Variants in ZFP36L2 observed in about 807,000 individuals in gnomAD.
The protein encoded by ZFP36L2 is mRNA decay activator protein ZFP36L2.
A neutral mutation model predicts 27.9 loss-of-function variants in ZFP36L2; 16 were observed. That is an observed-to-expected ratio of 0.57 (90% CI 0.39 to 0.87). ZFP36L2 has a LOEUF of 0.87. ZFP36L2 is among the 40% of genes least tolerant of loss of function. ZFP36L2 has a pLI of 0.00. For synonymous variants in ZFP36L2, 600 were observed against 363.8 expected, an observed-to-expected ratio of 1.65 and a Z score of -7.39; for missense variants, 989 against 726.9, an observed-to-expected ratio of 1.36 and a Z score of -4.15.
At chr2:43,225,819 G>A (rs1484881168) in intron 1 of ZFP36L2, 67 bp from the exon 2 acceptor site, 8 of 1,456,814 alleles carry the variant, frequency 5.5e-6, no homozygotes, top group Non-Finnish European at 7.4e-6. Flanking sequence ...GGGGCGAGCC[G>A]CAGAGGAACT....
At chr2:43,225,824 G>C (rs1259570107) in intron 1 of ZFP36L2, 72 bp from the exon 2 acceptor site, 14 of 1,447,242 alleles carry the variant, frequency 9.7e-6, no homozygotes, top group South Asian at 1.3e-5. Flanking sequence ...GAGCCGCAGA[G>C]GAACTCCCAG....
rs1572681050 is a variant in ZFP36L2, at chr2:43,224,771, C to G, written c.1033G>C (p.Ala345Pro). The change falls in exon 2 of 2, where the codon GCG becomes CCG. Residue 345 changes from alanine to proline, a missense_variant. By Grantham distance (27) the Ala-to-Pro change is conservative. Transcript: ENST00000282388. ...CAGGCCGCGCACGGGGCCCCCGGCG[C>G]CAGCAGGTCCTCGGCGCCCCCGGTG... is the stretch of plus-strand genomic sequence containing the variant. The part of the protein sequence containing the change: ...YGTGGAEDLL[A>P]PGAPCAACSS... 1 of 1,478,854 alleles carries G rather than the reference C, an allele frequency of 6.8e-7. No homozygotes were observed. The highest frequency in any genetic ancestry group is 8.9e-7 in the Non-Finnish European group (1 of 1,121,724). 91.6% of individuals were successfully genotyped at this position (1,478,854 alleles called of 1,614,324 possible).
In ZFP36L2 at chr2:43,223,345, TTAA is replaced by T. The variant is rs1307562147; in HGVS notation, c.*971_*973del. 1.4e-4 allele frequency: 22 copies of T among 152,276 alleles called. No individual in the cohort carries two copies. The highest frequency in any genetic ancestry group is 2.8e-4 in the Non-Finnish European group (19 of 68,030). 9.4% of individuals were successfully genotyped at this position (152,276 alleles called of 1,614,324 possible). On this transcript the variant is annotated 3_prime_UTR_variant, in exon 2 of 2. Transcript: ENST00000282388. Reference sequence around the variant, plus strand: ...GAACATACACTCCACATTTTGCCGATTAATAATGGCAATCATAATTTAACATAA... The same window carrying T: ...GAACATACACTCCACATTTTGCCGATTAATGGCAATCATAATTTAACATAA...
rs140007857 is a variant in ZFP36L2 at position 43,225,336 on chromosome 2, G to C, written c.468C>G (p.Thr156=). ...GSQINSTRYK[T]ELCRPFEESG... is the part of the protein sequence containing the mutation. ...TCTCCTCGAAGGGCCGGCACAGCTCGGTCTTGTAGCGCGTGGAGTTGATCT... is the reference window on the plus strand; with the variant it reads ...TCTCCTCGAAGGGCCGGCACAGCTCCGTCTTGTAGCGCGTGGAGTTGATCT... The change falls in exon 2 of 2, where the codon ACC becomes ACG. Residue 156 remains threonine, a synonymous_variant. Coordinates refer to ENST00000282388, the MANE Select transcript of ZFP36L2 (RefSeq NM_006887.5). 2 of 1,613,360 alleles carry C rather than the reference G, an allele frequency of 1.2e-6. No individual in the cohort carries two copies. The highest frequency in any genetic ancestry group is 2.2e-5 in the East Asian group (1 of 44,886).
rs2103974178 is a variant in ZFP36L2 at position 43,224,262 on chromosome 2, G to A, written c.*57C>T. On this transcript the variant is annotated 3_prime_UTR_variant, in exon 2 of 2. Transcript: ENST00000282388. ...CCCAGCAAGGGCGAGATGGCGAGGGGTGTCCTCCAACATCTCTGAACCGCC... is the reference window on the plus strand; with the variant it reads ...CCCAGCAAGGGCGAGATGGCGAGGGATGTCCTCCAACATCTCTGAACCGCC... 3 of 1,456,744 alleles carry A rather than the reference G, an allele frequency of 2.1e-6. No individual in the cohort carries two copies. Among genetic ancestry groups the A allele is most frequent in the Non-Finnish European group, 1.8e-6 (2 of 1,103,072 alleles). 90.2% of individuals were successfully genotyped at this position (1,456,744 alleles called of 1,614,324 possible).
At position 43,223,404 on chromosome 2, in the gene ZFP36L2, A is replaced by G. The variant is rs935601923; in HGVS notation, c.*915T>C. ...GAATATATATCTATTGCTTTTCATCATACTTGATAAATACAGTATGAACAA... is the reference window on the plus strand; with the variant it reads ...GAATATATATCTATTGCTTTTCATCGTACTTGATAAATACAGTATGAACAA... On this transcript the variant is annotated 3_prime_UTR_variant, in exon 2 of 2. Transcript: ENST00000282388. 6.6e-6 allele frequency: 1 copy of G among 152,268 alleles called. No homozygotes were observed. Among genetic ancestry groups the G allele is most frequent in the African/African-American group, 2.4e-5 (1 of 41,446 alleles). The allele number at this position is 152,268 out of a possible 1,614,324, so 9.4% of individuals were successfully genotyped here. A position where few individuals can be genotyped will look rare whatever the true frequency, so the allele number is the denominator to read the frequency against.
In ZFP36L2 at chr2:43,224,121, A is replaced by T; in HGVS notation, c.*198T>A. ...TAATAAAAATAAAAAAAAAAAGACAAGAGGAAACCGAAAAAGGAGGGGTGG... is the reference window on the plus strand; with the variant it reads ...TAATAAAAATAAAAAAAAAAAGACATGAGGAAACCGAAAAAGGAGGGGTGG... On this transcript the variant is annotated 3_prime_UTR_variant, in exon 2 of 2. Transcript: ENST00000282388. 4.7e-6 allele frequency: 2 copies of T among 423,596 alleles called. No homozygotes were observed. The highest frequency in any genetic ancestry group is 4.0e-6 in the Non-Finnish European group (1 of 248,790). The allele number at this position is 423,596 out of a possible 1,614,324, so 26.2% of individuals were successfully genotyped here.
chr2:43,226,170 G>T, intron 1 of ZFP36L2, 95 bp downstream of exon 1: 1 of 1,491,114 alleles, frequency 6.7e-7, no homozygotes, highest in Non-Finnish European at 9.1e-7. Flanking sequence ...GACCTGAAAG[G>T]CAGGGCGGGA....
At position 43,225,681 on chromosome 2, in the gene ZFP36L2, G is replaced by A. The variant is rs138412003; in HGVS notation, c.123C>T (p.Ala41=). 3.8e-6 allele frequency: 6 copies of A among 1,593,768 alleles called. No homozygotes were observed. In the African/African-American group the frequency reaches 5.4e-5, roughly 14 times the overall value. The change falls in exon 2 of 2, where the codon GCC becomes GCT. Residue 41 remains alanine (A), a synonymous_variant. Coordinates refer to ENST00000282388, the MANE Select transcript of ZFP36L2 (RefSeq NM_006887.5). The stretch of plus-strand genomic sequence containing the variant: ...GCGCGAAGCCCGAGCTGGGGGCGGC[G>A]GCCACAGGCGTCCCCACCGCCTTCT... ...LDKKAVGTPV[A]AAPSSGFAPG...
chr2:43,225,416 G>T lies in ZFP36L2; in HGVS notation c.388C>A (p.Arg130Ser). The T allele has an allele frequency of 6.2e-7, 1 of 1,613,278 alleles. No individual in the cohort carries two copies. The highest frequency in any genetic ancestry group is 8.5e-7 in the Non-Finnish European group (1 of 1,179,838). Residue 130 changes from arginine to serine, a missense_variant, in exon 2 of 2, where the codon CGC (arginine) becomes AGC (serine). Transcript: ENST00000282388. ...RDRSFSENGD[R>S]SQHLLHLQQQ... Reference sequence around the variant, plus strand: ...TGCAGGTGCAGGAGGTGCTGGCTGCGATCGCCGTTCTCGCTAAACGAGCGG... The same window carrying T: ...TGCAGGTGCAGGAGGTGCTGGCTGCTATCGCCGTTCTCGCTAAACGAGCGG...
rs1667065943 is a variant in ZFP36L2 at position 43,225,342 on chromosome 2, G to A, written c.462C>T (p.Tyr154=). 2 of 1,613,470 alleles carry A rather than the reference G, an allele frequency of 1.2e-6. No individual in the cohort carries two copies. The highest frequency in any genetic ancestry group is 1.7e-6 in the Non-Finnish European group (2 of 1,179,988). Residue 154 remains tyrosine, a synonymous_variant, in exon 2 of 2, where the codon TAC becomes TAT. Transcript: ENST00000282388. ...GGGSQINSTR[Y]KTELCRPFEE... ...CGAAGGGCCGGCACAGCTCGGTCTTGTAGCGCGTGGAGTTGATCTGGGAGC... is the reference window on the plus strand; with the variant it reads ...CGAAGGGCCGGCACAGCTCGGTCTTATAGCGCGTGGAGTTGATCTGGGAGC...
chr2:43,224,837 C>T lies in ZFP36L2; in HGVS notation c.967G>A (p.Ala323Thr), dbSNP rs763592426. The T allele has an allele frequency of 8.3e-4, 1,197 of 1,443,416 alleles. 1 individual carries two copies. The highest frequency in any genetic ancestry group is 1.0e-3 in the Non-Finnish European group (1,140 of 1,111,598). The allele number at this position is 1,443,416 out of a possible 1,614,324, so 89.4% of individuals were successfully genotyped here. The change falls in exon 2 of 2, where the codon GCC becomes ACC. Residue 323 changes from alanine to threonine, a missense_variant. By Grantham distance (58) the Ala-to-Thr change is moderately conservative (BLOSUM62 0). Coordinates refer to ENST00000282388, the MANE Select transcript of ZFP36L2 (RefSeq NM_006887.5). ...GCCGCAGCCGCGGCCGCCGCGGAGG[C>T]GCAGCATGTCGGGGCGCCCGAGGGC... is the stretch of plus-strand genomic sequence containing the variant. Reference protein sequence around the residue: ...STPSGAPTCCASAAAAAAAAL... With the variant: ...STPSGAPTCCTSAAAAAAAAL...
rs745733827 is a variant in ZFP36L2, at chr2:43,224,751, C to G, written c.1053G>C (p.Ala351=). The change falls in exon 2 of 2, where the codon GCG becomes GCC. Residue 351 remains alanine, a synonymous_variant. Coordinates refer to ENST00000282388, the MANE Select transcript of ZFP36L2 (RefSeq NM_006887.5). Reference sequence around the variant, plus strand: ...TGGCGCACGAGGCCGACGAGCAGGCCGCGCACGGGGCCCCCGGCGCCAGCA... The same window carrying G: ...TGGCGCACGAGGCCGACGAGCAGGCGGCGCACGGGGCCCCCGGCGCCAGCA... ...EDLLAPGAPC[A]ACSSASCANN... is the part of the protein sequence containing the mutation. 27 of 1,507,136 alleles carry G rather than the reference C, an allele frequency of 1.8e-5. No individual in the cohort carries two copies. In the Middle Eastern group the frequency reaches 5.8e-4, roughly 32 times the overall value. 93.4% of individuals were successfully genotyped at this position (1,507,136 alleles called of 1,614,324 possible).
In ZFP36L2 at chr2:43,223,482, T is replaced by C. The variant is rs1667011424; in HGVS notation, c.*837A>G. On this transcript the variant is annotated 3_prime_UTR_variant, in exon 2 of 2. Transcript: ENST00000282388. Reference sequence around the variant, plus strand: ...TAATAAATAAGTTAAATAGTTTTCATATTGAGTTGTGGTGCAGTGGTGCGA... The same window carrying C: ...TAATAAATAAGTTAAATAGTTTTCACATTGAGTTGTGGTGCAGTGGTGCGA... 6.6e-6 allele frequency: 1 copy of C among 152,508 alleles called. No individual in the cohort carries two copies. The highest frequency in any genetic ancestry group is 2.4e-5 in the African/African-American group (1 of 41,466). The allele number at this position is 152,508 out of a possible 1,614,324, so 9.4% of individuals were successfully genotyped here. A position where few individuals can be genotyped will look rare whatever the true frequency, so the allele number is the denominator to read the frequency against.
rs563095544 is a variant in ZFP36L2, at chr2:43,223,004, T to A, written c.*1315A>T. 6.6e-6 allele frequency: 1 copy of A among 152,390 alleles called. No homozygotes were observed. The highest frequency in any genetic ancestry group is 1.9e-4 in the East Asian group (1 of 5,328). 9.4% of individuals were successfully genotyped at this position (152,390 alleles called of 1,614,324 possible). A position where few individuals can be genotyped will look rare whatever the true frequency, so the allele number is the denominator to read the frequency against. On this transcript the variant is annotated 3_prime_UTR_variant, in exon 2 of 2. Coordinates refer to ENST00000282388, the MANE Select transcript of ZFP36L2 (RefSeq NM_006887.5). ...GAATAAGCAAACACTTTTTTGCTAGTTTATAAAGTTGGAATTAGAAAAGCA... is the reference window on the plus strand; with the variant it reads ...GAATAAGCAAACACTTTTTTGCTAGATTATAAAGTTGGAATTAGAAAAGCA...
In ZFP36L2 at chr2:43,222,426, T is replaced by C. The variant is rs1666988625; in HGVS notation, c.*1893A>G. The C allele has an allele frequency of 1.3e-5, 2 of 152,404 alleles. No homozygotes were observed. Among genetic ancestry groups the C allele is most frequent in the Admixed American group, 6.5e-5 (1 of 15,292 alleles). 9.4% of individuals were successfully genotyped at this position (152,404 alleles called of 1,614,324 possible). On this transcript the variant is annotated 3_prime_UTR_variant, in exon 2 of 2. Transcript: ENST00000282388. The stretch of plus-strand genomic sequence containing the variant: ...ATACCTTTTTTTCCCAAAAATTTTA[T>C]TGGGGGAAAACTACAAAACATTTAC...
rs1197304799 is a variant in ZFP36L2, at chr2:43,225,744, T to C, written c.60A>G (p.Lys20=). The C allele has an allele frequency of 1.3e-6, 2 of 1,590,968 alleles. No individual in the cohort carries two copies. The highest frequency in any genetic ancestry group is 1.7e-6 in the Non-Finnish European group (2 of 1,176,816). The part of the protein sequence containing the change: ...YDVDFLCKTE[K]SLANLNLNNM... ...TGTTCAGGTTGAGGTTGGCCAGGGA[T>C]TTCTCTGTCTGCCAAAGGGAGGGGA... is the stretch of plus-strand genomic sequence containing the variant. The change falls in exon 2 of 2, where the codon AAA becomes AAG. Residue 20 remains lysine, a synonymous_variant. Transcript: ENST00000282388.
rs556814964 is a variant in ZFP36L2, at chr2:43,224,055, G to A, written c.*264C>T. ...CCTGTTGTGAATATTTTGTTCAACA[G>A]AAAAAGTTCGACTTTTTTGCTCAAA... On this transcript the variant is annotated 3_prime_UTR_variant, in exon 2 of 2. Transcript: ENST00000282388. 5.7e-6 allele frequency: 2 copies of A among 352,280 alleles called. No homozygotes were observed. The highest frequency in any genetic ancestry group is 4.5e-5 in the African/African-American group (2 of 44,298). 21.8% of individuals were successfully genotyped at this position (352,280 alleles called of 1,614,324 possible).
At position 43,225,130 on chromosome 2, in the gene ZFP36L2, G is replaced by A; in HGVS notation, c.674C>T (p.Pro225Leu). The change falls in exon 2 of 2, where the codon CCG becomes CTG. Residue 225 changes from proline (P) to leucine (L), a missense_variant. Coordinates refer to ENST00000282388, the MANE Select transcript of ZFP36L2 (RefSeq NM_006887.5). ...IHNADERRPA[P>L]SGGASGDLRA... ...CAGGTCCCCGGAGGCGCCCCCCGAC[G>A]GCGCGGGCCGCCGCTCGTCCGCGTT... 1 of 1,594,388 alleles carries A rather than the reference G, an allele frequency of 6.3e-7. No individual in the cohort carries two copies. The highest frequency in any genetic ancestry group is 1.7e-5 in the Admixed American group (1 of 59,290).
Sources: allele counts gnomAD v4.1 joint callset, GRCh38; gene constraint gnomAD v4.1.1; transcripts MANE v1.5; gene names NCBI Gene and HGNC (gene_info 2026-07-23, HGNC 2026-07-21).